The following ARHGEF38 variants were observed in gnomAD, a reference collection of about 807,000 sequenced individuals.
ARHGEF38 encodes Rho guanine nucleotide exchange factor 38, also known as Rho guanine nucleotide exchange factor (GEF) 38.
A neutral mutation model predicts 79.9 loss-of-function variants in ARHGEF38; 79 were observed. The observed-to-expected ratio is 0.99, with a 90% CI of 0.82 to 1.19. ARHGEF38 has a LOEUF of 1.19. Ranked by LOEUF, ARHGEF38 falls within the 50% of genes most tolerant of loss-of-function variation. ARHGEF38 has a pLI of 0.00. For missense variants in ARHGEF38, 962 were observed against 907.2 expected (o/e 1.06, Z -0.78); for synonymous variants, 366 against 328.3 (o/e 1.11, Z -1.24).
intron 2 of ARHGEF38, among the ~76,000 whole-genome samples, chr4:105,594,593 G>A (rs1727493265): frequency 6.6e-6 from 1 of 152,178 alleles, no homozygotes; most frequent in African/African-American, 2.4e-5. Context: ...TTATTTAAGT[G>A]AAAATTGGAT....
At chr4:105,616,100 T>C (rs1163177662) in intron 3 of ARHGEF38, among the ~76,000 whole-genome samples, 2 of 152,276 alleles carry the variant, frequency 1.3e-5, no homozygotes, top group Non-Finnish European at 2.9e-5. Flanking sequence ...AAAATATGTA[T>C]GGAAAATAGG....
chr4:105,595,291 T>C (rs539490478), intron 2 of ARHGEF38, among the ~76,000 whole-genome samples: 1 of 152,324 alleles, frequency 6.6e-6, no homozygotes, highest in African/African-American at 2.4e-5. Context: ...AAGTTATGTG[T>C]ATTTATTTTG....
chr4:105,663,977 A>G (rs1013624722), intron 10 of ARHGEF38, among the ~76,000 whole-genome samples: 1 of 151,900 alleles, frequency 6.6e-6, no homozygotes, highest in South Asian at 2.1e-4. Context: ...TCTCAAAAAA[A>G]AAAAAAACAA....
chr4:105,554,274 C>G (rs186034608), intron 1 of ARHGEF38, among the ~76,000 whole-genome samples: 4 of 152,138 alleles, frequency 2.6e-5, no homozygotes, highest in Admixed American at 2.6e-4. Context: ...TGTGATGCTG[C>G]GATTTGGGGT....
intron 1 of ARHGEF38, among the ~76,000 whole-genome samples, chr4:105,585,579 C>T (rs1307058352): frequency 6.6e-6 from 1 of 152,156 alleles, no homozygotes; most frequent in Admixed American, 6.5e-5. Context: ...TAATATACAG[C>T]TGCATATTTC....
chr4:105,677,852 G>T lies in ARHGEF38; in HGVS notation c.2249G>T (p.Gly750Val). The change falls in exon 14 of 14, where the codon GGC becomes GTC. Residue 750 changes from glycine to valine, a missense_variant. Coordinates refer to ENST00000420470, the MANE Select transcript of ARHGEF38 (RefSeq NM_001242729.2). ...ATACTCAGGTTTTGTGACCTAAGTG[G>T]CAATAAAGAGTGGTGGTTAGCTGAA... ...VHILRFCDLS[G>V]NKEWWLAEAQ... The T allele has an allele frequency of 1.3e-6, 2 of 1,535,450 alleles. No individual in the cohort carries two copies. Among genetic ancestry groups the T allele is most frequent in the Non-Finnish European group, 1.7e-6 (2 of 1,146,378 alleles).
chr4:105,576,186 T>C (rs1190441337), intron 1 of ARHGEF38, among the ~76,000 whole-genome samples: 1 of 152,110 alleles, frequency 6.6e-6, no homozygotes, highest in Non-Finnish European at 1.5e-5. Context: ...CTGTGAAAAA[T>C]GATTTTGGTA....
At position 105,666,287 on chromosome 4, in the gene ARHGEF38, C is replaced by CA; in HGVS notation, c.1657dup (p.Ser553LysfsTer3). On this transcript the variant is annotated frameshift_variant, in exon 11 of 14. Coordinates refer to ENST00000420470, the MANE Select transcript of ARHGEF38 (RefSeq NM_001242729.2). LOFTEE classifies it high-confidence loss of function. Reference sequence around the variant, plus strand: ...GTGCCACCTTTATTGAGAGGAAACTCAGTTTTGAAAAGAAGAAACCTGTGC... The same window carrying CA: ...GTGCCACCTTTATTGAGAGGAAACTCAAGTTTTGAAAAGAAGAAACCTGTGC... The CA allele has an allele frequency of 1.3e-6, 2 of 1,532,460 alleles. No homozygotes were observed. Among genetic ancestry groups the CA allele is most frequent in the Non-Finnish European group, 1.7e-6 (2 of 1,145,584 alleles). The allele number at this position is 1,532,460 out of a possible 1,614,324, so 94.9% of individuals were successfully genotyped here.
intron 2 of ARHGEF38, among the ~76,000 whole-genome samples, chr4:105,595,669 G>A (rs1438129040): frequency 6.6e-6 from 1 of 152,040 alleles, no homozygotes; most frequent in Non-Finnish European, 1.5e-5. Flanking sequence ...GGAAGCTTAA[G>A]TGTCTGACGT....
At chr4:105,554,982 A>G (rs1227602678) in intron 1 of ARHGEF38, among the ~76,000 whole-genome samples, 2 of 152,166 alleles carry the variant, frequency 1.3e-5, no homozygotes, top group African/African-American at 4.8e-5. Flanking sequence ...AGCATCTATC[A>G]GAGTCTCCAT....
At chr4:105,643,133 G>T (rs1372776420) in intron 5 of ARHGEF38, among the ~76,000 whole-genome samples, 78 of 143,282 alleles carry the variant, frequency 5.4e-4, no homozygotes, top group African/African-American at 2.0e-3. Context: ...TTTTTTGTTA[G>T]TTTTTTTTTT....
intron 8 of ARHGEF38, among the ~76,000 whole-genome samples, chr4:105,654,498 ATTTG>A (rs1249880343): frequency 6.6e-6 from 1 of 152,226 alleles, no homozygotes; most frequent in African/African-American, 2.4e-5. Context: ...GAGACAGAAA[ATTTG>A]TTTGTTTGTA....
intron 6 of ARHGEF38, among the ~76,000 whole-genome samples, chr4:105,647,887 T>C (rs1426379722): frequency 7.1e-6 from 1 of 141,822 alleles, no homozygotes; most frequent in Non-Finnish European, 1.5e-5. Context: ...TTTTCTTTTC[T>C]ATTTTTTTTT....
At chr4:105,562,551 G>A (rs1725686135) in intron 1 of ARHGEF38, among the ~76,000 whole-genome samples, 1 of 152,080 alleles carries the variant, frequency 6.6e-6, no homozygotes, top group Non-Finnish European at 1.5e-5. Context: ...AATTAAAGAA[G>A]AGACTAGAAA....
intron 1 of ARHGEF38, among the ~76,000 whole-genome samples, chr4:105,585,726 CTTTTTTTTTT>C (rs3056719): frequency 7.0e-5 from 5 of 71,504 alleles, no homozygotes; most frequent in African/African-American, 2.3e-4. Context: ...CCCTCCGTTG[CTTTTTTTTTT>C]TTTTTTTTTT....
rs1406426527 is a variant in ARHGEF38 at position 105,676,969 on chromosome 4, C to CTT, written c.2149-773_2149-772dup. Among the ~76,000 whole-genome samples the CTT allele has an allele frequency of 2.4e-3, 351 of 144,416 alleles. 2 individuals carry two copies. Among genetic ancestry groups the CTT allele is most frequent in the African/African-American group, 8.5e-3 (340 of 39,824 alleles). 94.7% of individuals were successfully genotyped at this position (144,416 alleles called of 152,430 possible). On this transcript the variant is annotated intron_variant, in intron 13 of 13. Coordinates refer to ENST00000420470, the MANE Select transcript of ARHGEF38 (RefSeq NM_001242729.2). ...TTTTTGTTGTTGTTTTGTGTTTTTT[C>CTT]TTTTTTTTTTTGGAGACAGAGTCTC...
chr4:105,619,495 G>A (rs904467478), intron 3 of ARHGEF38, among the ~76,000 whole-genome samples: 1 of 152,084 alleles, frequency 6.6e-6, no homozygotes, highest in Admixed American at 6.6e-5. Context: ...TTAAGTTTTG[G>A]AGTGATTCTT....
At chr4:105,644,511 C>T (rs1729755938) in intron 5 of ARHGEF38, among the ~76,000 whole-genome samples, 1 of 152,162 alleles carries the variant, frequency 6.6e-6, no homozygotes, top group Non-Finnish European at 1.5e-5. Context: ...TCAGAAGCTG[C>T]TAAAGGAAAA....
intron 1 of ARHGEF38, among the ~76,000 whole-genome samples, chr4:105,571,895 T>C (rs1266624040): frequency 6.6e-6 from 1 of 152,200 alleles, no homozygotes; most frequent in Non-Finnish European, 1.5e-5. Context: ...TGATGCAGCA[T>C]ACATATGGTG....
Sources: allele counts gnomAD v4.1 joint callset (sites outside exome capture counted in the v4.1 genomes callset), GRCh38; gene constraint gnomAD v4.1.1; transcripts MANE v1.5; gene names NCBI Gene and HGNC (gene_info 2026-07-23, HGNC 2026-07-21).